The following ZNF398 variants were observed in gnomAD, a reference collection of about 807,000 sequenced individuals.
ZNF398 encodes zinc finger protein 398, also known as zinc finger DNA binding protein ZER6.
ZNF398 carries 18 observed loss-of-function variants against 41.9 expected under a neutral mutation model. That is an observed-to-expected ratio of 0.43 (90% CI 0.30 to 0.64). ZNF398 has a LOEUF of 0.64. ZNF398 is among the 30% of genes least tolerant of loss of function. The probability of loss-of-function intolerance (pLI) is 0.14; values close to 1 mark genes in which losing one functional copy is unlikely to be tolerated. For synonymous variants in ZNF398, 260 were observed against 308.8 expected (o/e 0.84, Z 1.66); for missense variants, 669 against 822.8 (o/e 0.81, Z 2.29).
At position 149,166,801 on chromosome 7, in the gene ZNF398, CT is replaced by C; in HGVS notation, c.548-11del. On this transcript the variant is annotated splice_polypyrimidine_tract_variant and intron_variant, in intron 3 of 5. Coordinates refer to ENST00000475153, the MANE Select transcript of ZNF398 (RefSeq NM_170686.3). The stretch of plus-strand genomic sequence containing the variant: ...TATCTCTTTGTAATACTCTCTCTTC[CT>C]TTTTCCTCTCCTAGATTATGCTATA... 1.9e-6 allele frequency: 3 copies of C among 1,569,006 alleles called. No individual in the cohort carries two copies. The highest frequency in any genetic ancestry group is 1.8e-6 in the Non-Finnish European group (2 of 1,142,556).
At chr7:149,160,363 G>A (rs999949608) in intron 2 of ZNF398, among the ~76,000 whole-genome samples, 44 of 152,284 alleles carry the variant, frequency 2.9e-4, no homozygotes, top group Admixed American at 2.1e-3. Context: ...CCTGGGAAGC[G>A]GAGCTTGCAG....
chr7:149,173,760 CAGGCAGTGT>C (rs1238544098), intron 4 of ZNF398, among the ~76,000 whole-genome samples: 2 of 147,966 alleles, frequency 1.4e-5, no homozygotes, highest in Non-Finnish European at 1.5e-5. Flanking sequence ...TTCTAGTGCA[CAGGCAGTGT>C]AGATTTAGCA....
rs984110240 is a variant in ZNF398, at chr7:149,152,201, G to A, written c.25-1744G>A. On this transcript the variant is annotated intron_variant, in intron 1 of 5. Coordinates refer to ENST00000475153, the MANE Select transcript of ZNF398 (RefSeq NM_170686.3). Reference sequence around the variant, plus strand: ...TGTACTCCAGCCTGGGCGACAGAGCGAGACTCTGTCTCAAGAAATAAATAA... The same window carrying A: ...TGTACTCCAGCCTGGGCGACAGAGCAAGACTCTGTCTCAAGAAATAAATAA... 4.0e-5 allele frequency among the ~76,000 whole-genome samples: 6 copies of A among 151,858 alleles called. No individual in the cohort carries two copies. The South Asian group carries it at 8.3e-4, about 21-fold the overall frequency.
chr7:149,139,652 C>T (rs191063172), intron 2 of ZNF398, among the ~76,000 whole-genome samples: 3,207 of 151,460 alleles, frequency 0.021, 42 homozygotes, highest in Middle Eastern at 0.045. Flanking sequence ...ACCCGGGAGG[C>T]GGAGGTTGCA....
intron 1 of ZNF398, among the ~76,000 whole-genome samples, chr7:149,128,487 C>G (rs1159421505): frequency 6.6e-6 from 1 of 152,088 alleles, no homozygotes; most frequent in Non-Finnish European, 1.5e-5. Context: ...TAGCTCACGT[C>G]TGTAATCCCA....
intron 4 of ZNF398, among the ~76,000 whole-genome samples, chr7:149,168,314 G>A (rs1384055711): frequency 1.3e-5 from 2 of 151,944 alleles, no homozygotes; most frequent in Non-Finnish European, 2.9e-5. Context: ...CTGACCTCAA[G>A]TGATCTGCCT....
At chr7:149,167,624 TTTTTC>T (rs1184077153) in intron 4 of ZNF398, among the ~76,000 whole-genome samples, 5 of 151,476 alleles carry the variant, frequency 3.3e-5, no homozygotes, top group African/African-American at 7.2e-5. Context: ...TATTTTTTTC[TTTTTC>T]TTTTCTTTTT....
chr7:149,150,801 C>T (rs1474589784), intron 1 of ZNF398, among the ~76,000 whole-genome samples: 1 of 152,120 alleles, frequency 6.6e-6, no homozygotes, highest in African/African-American at 2.4e-5. Flanking sequence ...CTTCCGCCTC[C>T]TGGGTTCAAG....
intron 1 of ZNF398, among the ~76,000 whole-genome samples, chr7:149,148,855 T>TTG: frequency 6.8e-6 from 1 of 146,074 alleles, no homozygotes; most frequent in South Asian, 2.2e-4. Context: ...ACGGACCTTT[T>TTG]TCTTTGTCTT....
chr7:149,160,977 C>G (rs566335710), intron 2 of ZNF398, among the ~76,000 whole-genome samples: 3 of 152,090 alleles, frequency 2.0e-5, no homozygotes, highest in Non-Finnish European at 4.4e-5. Flanking sequence ...CTCTGCACCC[C>G]AAGGAGGCCT....
At chr7:149,146,204 G>A (rs529651042), upstream of ZNF398, among the ~76,000 whole-genome samples, 4 of 151,876 alleles carry the variant, frequency 2.6e-5, no homozygotes, top group Non-Finnish European at 5.9e-5. Context: ...CTCCCAAAGT[G>A]CTGGAATTAC....
chr7:149,171,164 A>G (rs1795331836), intron 4 of ZNF398, among the ~76,000 whole-genome samples: 1 of 151,226 alleles, frequency 6.6e-6, no homozygotes. Flanking sequence ...TTTTTTCTTT[A>G]ACCATAAATT....
At chr7:149,129,204 T>C (rs1047730661) in intron 2 of ZNF398, among the ~76,000 whole-genome samples, 3 of 152,056 alleles carry the variant, frequency 2.0e-5, no homozygotes, top group Non-Finnish European at 2.9e-5. Context: ...CAGAGTCAGG[T>C]TGGAAACTAA....
At chr7:149,141,007 T>C (rs1408514049) in intron 2 of ZNF398, among the ~76,000 whole-genome samples, 1 of 136,874 alleles carries the variant, frequency 7.3e-6, no homozygotes, top group Non-Finnish European at 1.5e-5. Flanking sequence ...GCCACTGCAC[T>C]CCAGCCTGCG....
intron 1 of ZNF398, chr7:149,128,681 G>A (rs904212717): frequency 6.7e-6 from 1 of 148,914 alleles, no homozygotes; most frequent in Non-Finnish European, 1.5e-5. Context: ...GGAGGCGAAG[G>A]TTGCAGTGAG....
chr7:149,178,135 CA>C (rs377069877), intron 5 of ZNF398, among the ~76,000 whole-genome samples: 112 of 152,140 alleles, frequency 7.4e-4, no homozygotes, highest in African/African-American at 2.5e-3. Context: ...ACTAAAAAGA[CA>C]AAAAAATTAG....
At position 149,176,351 on chromosome 7, in the gene ZNF398, GA is replaced by G. The variant is rs549579791; in HGVS notation, c.662-110del. Reference sequence around the variant, plus strand: ...AGAGCGAGACTCTGTCTCAAAAAAAGAAAAAAAGAAAGGAAAAATATTTGGG... The same window carrying G: ...AGAGCGAGACTCTGTCTCAAAAAAAGAAAAAAGAAAGGAAAAATATTTGGG... On this transcript the variant is annotated intron_variant, in intron 4 of 5. Coordinates refer to ENST00000475153, the MANE Select transcript of ZNF398 (RefSeq NM_170686.3). 1.6e-4 allele frequency: 120 copies of G among 748,950 alleles called. No homozygotes were observed. The African/African-American group carries it at 1.9e-3, about 12-fold the overall frequency. The allele number at this position is 748,950 out of a possible 1,614,324, so 46.4% of individuals were successfully genotyped here. A position where few individuals can be genotyped will look rare whatever the true frequency, so the allele number is the denominator to read the frequency against.
chr7:149,158,030 C>T (rs1349334743), intron 2 of ZNF398, among the ~76,000 whole-genome samples: 2 of 151,952 alleles, frequency 1.3e-5, no homozygotes, highest in Non-Finnish European at 2.9e-5. Context: ...TGCAGTAAGC[C>T]GAGATCGTGC....
chr7:149,159,630 A>C (rs962828595), intron 2 of ZNF398, among the ~76,000 whole-genome samples: 22 of 152,056 alleles, frequency 1.4e-4, no homozygotes, highest in African/African-American at 5.3e-4. Context: ...CCTGGGCTAC[A>C]AAGTGAGACT....
Sources: allele counts gnomAD v4.1 joint callset (sites outside exome capture counted in the v4.1 genomes callset), GRCh38; gene constraint gnomAD v4.1.1; transcripts MANE v1.5; gene names NCBI Gene and HGNC (gene_info 2026-07-23, HGNC 2026-07-21).